Variants in NNT observed in about 807,000 individuals in gnomAD.
NNT encodes NAD(P) transhydrogenase, mitochondrial.
Under a neutral mutation model 104.8 loss-of-function variants are expected in NNT, and 50 were observed. The observed-to-expected ratio is 0.48, with a 90% confidence interval of 0.38 to 0.60. The LOEUF is 0.60. Among genes scored for constraint, NNT ranks in the 20% least tolerant of loss-of-function variants. The pLI is 0.00. For synonymous variants in NNT, 461 were observed against 490.4 expected, an observed-to-expected ratio of 0.94 and a Z score of 0.79; for missense variants, 1,131 against 1,330.7, an observed-to-expected ratio of 0.85 and a Z score of 2.33.
At chr5:43,610,505 C>T (rs1749448122) in intron 2 of NNT, among the ~76,000 whole-genome samples, 1 of 152,132 alleles carries the variant, frequency 6.6e-6, no homozygotes, top group African/African-American at 2.4e-5. Context: ...GGTGAAGGAA[C>T]AGGATGGATA....
At chr5:43,609,758 A>G (rs1749409286) in intron 2 of NNT, among the ~76,000 whole-genome samples, 1 of 152,244 alleles carries the variant, frequency 6.6e-6, no homozygotes, top group African/African-American at 2.4e-5. Context: ...TTTAGTTAGT[A>G]GCAATTTGAT....
At chr5:43,652,899 A>G in intron 13 of NNT, 119 bp from the exon 14 acceptor site, 1 of 703,852 alleles carries the variant, frequency 1.4e-6, no homozygotes, top group Non-Finnish European at 2.2e-6. Flanking sequence ...GTATAAGTGC[A>G]AATACAATAT....
At chr5:43,607,973 C>CA (rs1450261429) in intron 1 of NNT, among the ~76,000 whole-genome samples, 1 of 152,038 alleles carries the variant, frequency 6.6e-6, no homozygotes, top group African/African-American at 2.4e-5. Flanking sequence ...CTCTGTCACC[C>CA]AGGCTGGAGT....
chr5:43,659,189 G>A lies in NNT; in HGVS notation c.2473G>A (p.Ala825Thr). 1.2e-6 allele frequency: 2 copies of A among 1,608,954 alleles called. No individual in the cohort carries two copies. Among genetic ancestry groups the A allele is most frequent in the Non-Finnish European group, 8.5e-7 (1 of 1,177,576 alleles). Residue 825 changes from alanine (A) to threonine (T), a missense_variant, in exon 17 of 22, where the codon GCT becomes ACT. Transcript: ENST00000344920. Reference protein sequence around the residue: ...SAVMGVTLTAAIGGADMPVVI... With the variant: ...SAVMGVTLTATIGGADMPVVI... The stretch of plus-strand genomic sequence containing the variant: ...GTTCTAGGGTGTGACTTTGACAGCT[G>A]CTATTGGGGGTGCTGACATGCCCGT...
intron 1 of NNT, among the ~76,000 whole-genome samples, chr5:43,606,989 T>G (rs1749257548): frequency 8.8e-6 from 1 of 113,330 alleles, no homozygotes; most frequent in Admixed American, 8.2e-5. Flanking sequence ...TGTTTTTTGT[T>G]TTTTTGTTTT....
At chr5:43,688,814 G>C (rs1225509446) in intron 19 of NNT, among the ~76,000 whole-genome samples, 2 of 152,136 alleles carry the variant, frequency 1.3e-5, no homozygotes, top group African/African-American at 4.8e-5. Context: ...ATTTGGGCTG[G>C]TTCCATATTT....
intron 17 of NNT, among the ~76,000 whole-genome samples, chr5:43,671,393 A>T (rs1032641357): frequency 6.6e-6 from 1 of 152,214 alleles, no homozygotes; most frequent in Non-Finnish European, 1.5e-5. Context: ...GGTCTTTACA[A>T]TTTGGCATGT....
intron 17 of NNT, among the ~76,000 whole-genome samples, chr5:43,662,622 G>A (rs982836824): frequency 2.0e-5 from 3 of 152,128 alleles, no homozygotes; most frequent in African/African-American, 7.2e-5. Context: ...GCCAGGCGCC[G>A]TGGCTCATGC....
chr5:43,609,489 C>T (rs1222973793), intron 2 of NNT, 143 bp downstream of exon 2: 20 of 733,822 alleles, frequency 2.7e-5, no homozygotes, highest in Non-Finnish European at 3.7e-5. Context: ...CAAGTAAGTG[C>T]TATCTTGTAT....
rs1182311220 is a variant in NNT at position 43,606,905 on chromosome 5, A to C, written c.-53-2238A>C. On this transcript the variant is annotated intron_variant, in intron 1 of 21. Coordinates refer to ENST00000344920, the MANE Select transcript of NNT (RefSeq NM_182977.3). ...GAATAAATATGCTCCCTGGATTAAA[A>C]ATTTCCATTACCAATGCTGCTTTCT... Among the ~76,000 whole-genome samples, 4 of 152,216 alleles carry C rather than the reference A, an allele frequency of 2.6e-5. No individual in the cohort carries two copies. The East Asian group carries it at 7.7e-4, about 29-fold the overall frequency.
At chr5:43,658,076 A>AGTGAGCC (rs1200610055) in intron 16 of NNT, among the ~76,000 whole-genome samples, 1 of 152,150 alleles carries the variant, frequency 6.6e-6, no homozygotes, top group Non-Finnish European at 1.5e-5. Context: ...CGGAGGTTGC[A>AGTGAGCC]GTGAGCCGAG....
Position 43,706,403 on chromosome 5 carries a change from T to C in NNT, c.*1999T>C, listed in dbSNP as rs1463681109. On this transcript the variant is annotated 3_prime_UTR_variant, in exon 22 of 22. Coordinates refer to ENST00000344920, the MANE Select transcript of NNT (RefSeq NM_182977.3). The stretch of plus-strand genomic sequence containing the variant: ...TATTTTATTTTTGTATTATTCACTA[T>C]ATCTTTATGATATTTAAGTATAAAT... 2 of 151,896 alleles carry C rather than the reference T, an allele frequency of 1.3e-5. No individual in the cohort carries two copies. Among genetic ancestry groups the C allele is most frequent in the Non-Finnish European group, 2.9e-5 (2 of 67,942 alleles). The allele number at this position is 151,896 out of a possible 1,614,324, so 9.4% of individuals were successfully genotyped here.
chr5:43,691,125 A>G (rs1195600521), intron 19 of NNT, among the ~76,000 whole-genome samples: 2 of 147,480 alleles, frequency 1.4e-5, no homozygotes, highest in East Asian at 4.0e-4. Flanking sequence ...TTTGAGATGG[A>G]GTCTCGCTCT....
At chr5:43,641,758 A>C (rs938360812) in intron 7 of NNT, among the ~76,000 whole-genome samples, 1 of 152,194 alleles carries the variant, frequency 6.6e-6, no homozygotes, top group African/African-American at 2.4e-5. Flanking sequence ...CAAATAAGTT[A>C]ACCTATGTGA....
intron 17 of NNT, among the ~76,000 whole-genome samples, chr5:43,670,900 A>G (rs1006696335): frequency 2.6e-5 from 4 of 152,058 alleles, no homozygotes; most frequent in Non-Finnish European, 5.9e-5. Flanking sequence ...GTCTTCCGTT[A>G]TTATTGTATG....
At chr5:43,637,204 G>A (rs765848293) in intron 7 of NNT, among the ~76,000 whole-genome samples, 2 of 152,048 alleles carry the variant, frequency 1.3e-5, no homozygotes, top group Non-Finnish European at 2.9e-5. Context: ...GAGTAGAGGG[G>A]TTGCTGTATG....
chr5:43,701,328 G>A (rs980898740), intron 20 of NNT, among the ~76,000 whole-genome samples: 1 of 152,140 alleles, frequency 6.6e-6, no homozygotes. Flanking sequence ...GTGAGAATGT[G>A]CAGTATTTGA....
At position 43,674,284 on chromosome 5, in the gene NNT, T is replaced by C. The variant is rs140210007; in HGVS notation, c.2635-1227T>C. 4.4e-4 allele frequency among the ~76,000 whole-genome samples: 67 copies of C among 152,304 alleles called. 1 individual carries two copies. The East Asian group carries it at 0.012, about 27-fold the overall frequency. ...AAAGTATGGCTTCTTGCTTATCTTC[T>C]GTGTACCTTTTCCTCCCTGCCTTTG... On this transcript the variant is annotated intron_variant, in intron 17 of 21. Transcript: ENST00000344920.
rs774116802 is a variant in NNT, at chr5:43,700,253, A to G, written c.2995+16A>G. 8.7e-5 allele frequency: 136 copies of G among 1,560,228 alleles called. No individual in the cohort carries two copies. The highest frequency in any genetic ancestry group is 1.1e-4 in the Non-Finnish European group (124 of 1,132,240). On this transcript the variant is annotated intron_variant, in intron 20 of 21. Transcript: ENST00000344920. ...GATTTTCCAGGTAAGTGGTGGGGGC[A>G]ATTGTGAAGTTTAAATATTCTTACT...
Sources: gnomAD v4.1 joint callset for allele counts (sites outside exome capture counted in the v4.1 genomes callset) on GRCh38, gnomAD v4.1.1 for gene constraint, MANE v1.5 for transcripts, NCBI Gene and HGNC (gene_info 2026-07-23, HGNC 2026-07-21) for gene names.